Variants in TNFSF10 observed in about 807,000 individuals in gnomAD.
TNFSF10 encodes TNF superfamily member 10, also known as tumor necrosis factor ligand superfamily member 10.
In TNFSF10, 13 loss-of-function variants were observed where a neutral mutation model predicts 29.5. That is an observed-to-expected ratio of 0.44 (90% CI 0.29 to 0.70). The LOEUF (loss-of-function observed/expected upper bound fraction) is 0.70. Ranked by LOEUF, TNFSF10 falls within the 30% of genes least tolerant of loss-of-function variation. The pLI, the probability that TNFSF10 is intolerant of heterozygous loss-of-function variation, is 0.13. For synonymous variants in TNFSF10, 111 were observed against 112.8 expected (o/e 0.98, Z 0.10); for missense variants, 345 against 330.9 (o/e 1.04, Z -0.33).
rs1258950915 is a variant in TNFSF10, at chr3:172,505,700, A to G, written c.*792T>C. ...GACATACTGTAATAGAATTTTATTG[A>G]AAAAAATAACACGTACTTACTGAAG... On this transcript the variant is annotated 3_prime_UTR_variant, in exon 5 of 5. Coordinates refer to ENST00000241261, the MANE Select transcript of TNFSF10 (RefSeq NM_003810.4). 1 of 151,574 alleles carries G rather than the reference A, an allele frequency of 6.6e-6. No homozygotes were observed. Among genetic ancestry groups the G allele is most frequent in the East Asian group, 1.9e-4 (1 of 5,178 alleles). 9.4% of individuals were successfully genotyped at this position (151,574 alleles called of 1,614,324 possible).
intron 4 of TNFSF10, 122 bp downstream of exon 4, chr3:172,509,095 A>T: frequency 1.4e-6 from 1 of 730,434 alleles, no homozygotes; most frequent in Non-Finnish European, 2.2e-6. Flanking sequence ...AGATCTGATT[A>T]ATACTGAGCA....
intron 2 of TNFSF10, 124 bp downstream of exon 2, chr3:172,514,737 G>T: frequency 7.6e-7 from 1 of 1,313,494 alleles, no homozygotes; most frequent in Non-Finnish European, 1.0e-6. Context: ...AATACTCTGG[G>T]CCTAAGTTTT....
intron 1 of TNFSF10, chr3:172,518,458 TCTGCAAA>T: frequency 7.8e-7 from 1 of 1,289,330 alleles, no homozygotes; most frequent in Non-Finnish European, 1.0e-6. Flanking sequence ...GCAATCATTT[TCTGCAAA>T]CTGCAAATAG....
intron 1 of TNFSF10, among the ~76,000 whole-genome samples, chr3:172,515,772 A>C (rs918441355): frequency 3.3e-5 from 5 of 151,942 alleles, no homozygotes; most frequent in African/African-American, 9.7e-5. Flanking sequence ...ACACACACAC[A>C]CCCACACACA....
intron 4 of TNFSF10, 186 bp downstream of exon 4, chr3:172,509,031 T>G: frequency 2.5e-6 from 1 of 405,444 alleles, no homozygotes. Context: ...AGTTATGTCG[T>G]GGCAATAATT....
At chr3:172,516,056 A>T (rs1041898431) in intron 1 of TNFSF10, among the ~76,000 whole-genome samples, 9 of 152,252 alleles carry the variant, frequency 5.9e-5, no homozygotes, top group African/African-American at 2.2e-4. Flanking sequence ...AAGTCAGGAG[A>T]TCGAGACCAT....
chr3:172,511,515 G>A (rs1221320562), intron 3 of TNFSF10, 102 bp downstream of exon 3: 24 of 907,382 alleles, frequency 2.6e-5, no homozygotes, highest in Non-Finnish European at 3.8e-5. Flanking sequence ...ATCAGAGGAT[G>A]GATGAGTGGA....
chr3:172,506,899 G>T lies in TNFSF10; in HGVS notation c.439C>A (p.Leu147Met), dbSNP rs371357466. 6.9e-6 allele frequency: 11 copies of T among 1,605,030 alleles called. No homozygotes were observed. The highest frequency in any genetic ancestry group is 9.3e-6 in the Non-Finnish European group (11 of 1,177,118). Residue 147 changes from leucine to methionine, a missense_variant, in exon 5 of 5, where the codon CTG becomes ATG. By Grantham distance (15) the Leu-to-Met change is conservative (BLOSUM62 2). Coordinates refer to ENST00000241261, the MANE Select transcript of TNFSF10 (RefSeq NM_003810.4). Reference sequence around the variant, plus strand: ...TCCCAGGAGTTTATTTTGCGGCCCAGAGCCTTTTCATTCTTGGAGTCTGTA... The same window carrying T: ...TCCCAGGAGTTTATTTTGCGGCCCATAGCCTTTTCATTCTTGGAGTCTGTA... ...SSPNSKNEKA[L>M]GRKINSWESS...
At position 172,516,913 on chromosome 3, in the gene TNFSF10, G is replaced by T. The variant is rs1363902282; in HGVS notation, c.133-1915C>A. ...GGGATCAGCCACAAGGCCCGAGGGT[G>T]GTTCCAGGAAGAGCAAACTTTCCCT... On this transcript the variant is annotated intron_variant, in intron 1 of 4. Transcript: ENST00000241261. Among the ~76,000 whole-genome samples the T allele has an allele frequency of 3.3e-5, 5 of 152,352 alleles. No homozygotes were observed. The East Asian group carries it at 9.6e-4, about 29-fold the overall frequency.
chr3:172,506,825 A>C lies in TNFSF10; in HGVS notation c.513T>G (p.Asn171Lys), dbSNP rs56119116. 1.2e-6 allele frequency: 2 copies of C among 1,614,088 alleles called. No homozygotes were observed. The highest frequency in any genetic ancestry group is 2.7e-5 in the African/African-American group (2 of 74,936). ...HSFLSNLHLR[N>K]GELVIHEKGF... ...CTTTTTCATGGATGACCAGTTCACC[A>C]TTCCTCAAGTGCAAGTTGCTCAGGA... Residue 171 changes from asparagine to lysine, a missense_variant, in exon 5 of 5, where the codon AAT (asparagine) becomes AAG (lysine). Physicochemically the swap from Asn to Lys is moderately conservative, Grantham distance 94 (BLOSUM62 0). Coordinates refer to ENST00000241261, the MANE Select transcript of TNFSF10 (RefSeq NM_003810.4).
intron 1 of TNFSF10, among the ~76,000 whole-genome samples, chr3:172,519,200 T>C (rs1424112645): frequency 6.6e-6 from 1 of 152,246 alleles, no homozygotes; most frequent in East Asian, 1.9e-4. Context: ...TCTAGCACTC[T>C]CAATGAATTC....
chr3:172,523,161 T>A, intron 1 of TNFSF10, 92 bp downstream of exon 1: 8 of 1,435,124 alleles, frequency 5.6e-6, no homozygotes, highest in South Asian at 1.5e-5. Context: ...AGCAGGAAAG[T>A]CTTCAGAGAG....
At chr3:172,511,138 C>CGCA (rs1230980978) in intron 3 of TNFSF10, among the ~76,000 whole-genome samples, 1 of 151,940 alleles carries the variant, frequency 6.6e-6, no homozygotes, top group African/African-American at 2.4e-5. Context: ...AGGTGGAGAC[C>CGCA]GCAGGATGAG....
chr3:172,514,998 T>C lies in TNFSF10; in HGVS notation c.133A>G (p.Met45Val). 1 of 1,614,150 alleles carries C rather than the reference T, an allele frequency of 6.2e-7. No individual in the cohort carries two copies. ...YVYFTNELKQ[M>V]QDKYSKSGIA... ...CCACTTTTGGAGTACTTGTCCTGCA[T>C]CTGGGTTGAGATGGAATATAACACA... The change falls in exon 2 of 5, where the codon ATG becomes GTG. Residue 45 changes from methionine to valine, a missense_variant and splice_region_variant. By Grantham distance (21) the Met-to-Val change is conservative (BLOSUM62 1). Coordinates refer to ENST00000241261, the MANE Select transcript of TNFSF10 (RefSeq NM_003810.4).
intron 1 of TNFSF10, among the ~76,000 whole-genome samples, chr3:172,515,648 C>T (rs1331305933): frequency 6.6e-6 from 1 of 152,094 alleles, no homozygotes; most frequent in Non-Finnish European, 1.5e-5. Flanking sequence ...AGACCTTAAA[C>T]ACTCTTTGAA....
chr3:172,508,187 C>T (rs533610807), intron 4 of TNFSF10, among the ~76,000 whole-genome samples: 10 of 151,784 alleles, frequency 6.6e-5, no homozygotes, highest in South Asian at 4.2e-4. Context: ...CCCAGCTACT[C>T]GGGAAGCTGA....
At chr3:172,516,225 T>C (rs896686303) in intron 1 of TNFSF10, among the ~76,000 whole-genome samples, 8 of 150,934 alleles carry the variant, frequency 5.3e-5, no homozygotes, top group Admixed American at 1.3e-4. Context: ...GATCGTGCCA[T>C]TGCACTCTAG....
intron 4 of TNFSF10, among the ~76,000 whole-genome samples, chr3:172,507,947 A>G (rs1362957159): frequency 2.0e-5 from 3 of 152,256 alleles, no homozygotes; most frequent in Non-Finnish European, 2.9e-5. Context: ...TCATCTTTGC[A>G]TATGAAGAAA....
intron 1 of TNFSF10, among the ~76,000 whole-genome samples, chr3:172,516,616 C>T (rs1045310676): frequency 9.9e-5 from 15 of 152,156 alleles, no homozygotes; most frequent in African/African-American, 3.4e-4. Context: ...TTTGTTTCTT[C>T]CTCTTTTAAA....
Sources: gnomAD v4.1 joint callset for allele counts (sites outside exome capture counted in the v4.1 genomes callset) on GRCh38, gnomAD v4.1.1 for gene constraint, MANE v1.5 for transcripts, NCBI Gene and HGNC (gene_info 2026-07-23, HGNC 2026-07-21) for gene names.